Variants in FNBP1L observed in about 807,000 individuals in gnomAD.
FNBP1L encodes formin binding protein 1 like.
Under a neutral mutation model 91.2 loss-of-function variants are expected in FNBP1L, and 36 were observed. The ratio of observed to expected loss-of-function variants is 0.39; its 90% CI spans 0.30 to 0.52. The LOEUF is 0.52. Ranked by LOEUF, FNBP1L falls within the 20% of genes least tolerant of loss-of-function variation. The pLI, the probability that FNBP1L is intolerant of heterozygous loss-of-function variation, is 0.66. For synonymous variants in FNBP1L, 242 were observed against 237.0 expected (o/e 1.02, Z -0.19); for missense variants, 571 against 732.1 (o/e 0.78, Z 2.54).
Position 93,524,272 on chromosome 1 carries a change from A to G in FNBP1L, c.354A>G (p.Glu118=). Residue 118 remains glutamate, a synonymous_variant, in exon 5 of 17, where the codon GAA becomes GAG. Transcript: ENST00000271234. ...GTTATAATCTTCAGCATCTGCAAGA[A>G]GGACGAAAAGCTCAACAATATCTTG... ...LKTERKMHLQ[E]GRKAQQYLDM... 1 of 1,499,772 alleles carries G rather than the reference A, an allele frequency of 6.7e-7. No homozygotes were observed. Among genetic ancestry groups the G allele is most frequent in the Non-Finnish European group, 8.9e-7 (1 of 1,123,022 alleles). 92.9% of individuals were successfully genotyped at this position (1,499,772 alleles called of 1,614,324 possible). A position where few individuals can be genotyped will look rare whatever the true frequency, so the allele number is the denominator to read the frequency against.
chr1:93,490,302 G>A (rs930741928), intron 1 of FNBP1L, among the ~76,000 whole-genome samples: 1 of 152,156 alleles, frequency 6.6e-6, no homozygotes, highest in African/African-American at 2.4e-5. Context: ...ACTACATAAT[G>A]TGGACATTTA....
intron 2 of FNBP1L, among the ~76,000 whole-genome samples, chr1:93,520,309 CT>C (rs774642611): frequency 1.1e-4 from 16 of 152,162 alleles, no homozygotes; most frequent in Non-Finnish European, 1.5e-4. Context: ...GACAGTGATT[CT>C]TTTATAGTAT....
intron 1 of FNBP1L, among the ~76,000 whole-genome samples, chr1:93,490,218 C>A (rs1264082384): frequency 6.6e-6 from 1 of 152,044 alleles, no homozygotes; most frequent in Non-Finnish European, 1.5e-5. Flanking sequence ...AGCAAGAAGA[C>A]TGAGTAAACA....
chr1:93,449,827 G>T (rs540698685), intron 1 of FNBP1L, among the ~76,000 whole-genome samples: 1 of 152,176 alleles, frequency 6.6e-6, no homozygotes, highest in South Asian at 2.1e-4. Context: ...CTTACACTTT[G>T]TGCATTCTAT....
At chr1:93,503,677 A>G (rs1670510671) in intron 2 of FNBP1L, among the ~76,000 whole-genome samples, 1 of 152,184 alleles carries the variant, frequency 6.6e-6, no homozygotes, top group South Asian at 2.1e-4. Context: ...CAATTGAATC[A>G]TGTCCATTTT....
chr1:93,477,888 C>G (rs1669552805), intron 1 of FNBP1L, among the ~76,000 whole-genome samples: 1 of 152,146 alleles, frequency 6.6e-6, no homozygotes, highest in African/African-American at 2.4e-5. Context: ...TTAATTCTGC[C>G]TTTTCTGTTT....
At chr1:93,478,873 G>A (rs929947990) in intron 1 of FNBP1L, among the ~76,000 whole-genome samples, 8 of 152,122 alleles carry the variant, frequency 5.3e-5, no homozygotes, top group Non-Finnish European at 1.0e-4. Context: ...AGTTTAATTC[G>A]GACTCAGGTC....
chr1:93,521,526 C>T (rs1219202388), intron 2 of FNBP1L, among the ~76,000 whole-genome samples: 1 of 152,184 alleles, frequency 6.6e-6, no homozygotes, highest in Non-Finnish European at 1.5e-5. Context: ...CAAAGATGCT[C>T]TCAGTCCCTC....
chr1:93,547,650 CA>C (rs2101775036), intron 14 of FNBP1L, among the ~76,000 whole-genome samples: 1 of 152,240 alleles, frequency 6.6e-6, no homozygotes, highest in South Asian at 2.1e-4. Flanking sequence ...GTTTGTCATG[CA>C]TCCAAACACA....
At position 93,507,099 on chromosome 1, in the gene FNBP1L, A is replaced by ACT. The variant is rs1670654107; in HGVS notation, c.140+7517_140+7518insTC. Among the ~76,000 whole-genome samples, 6 of 66,428 alleles carry ACT rather than the reference A, an allele frequency of 9.0e-5. No individual in the cohort carries two copies. In the Admixed American group the frequency reaches 9.5e-4, roughly 11 times the overall value. The allele number at this position is 66,428 out of a possible 152,430, so 43.6% of individuals were successfully genotyped here. Reference sequence around the variant, plus strand: ...CACACACACACACACACACACACACACACACACACTCTCTCTCTCTCTCTC... The same window carrying ACT: ...CACACACACACACACACACACACACACTCACACACACTCTCTCTCTCTCTCTC... On this transcript the variant is annotated intron_variant, in intron 2 of 16. Coordinates refer to ENST00000271234, the MANE Select transcript of FNBP1L (RefSeq NM_001164473.3).
intron 1 of FNBP1L, among the ~76,000 whole-genome samples, chr1:93,461,422 G>A (rs1668858544): frequency 8.9e-6 from 1 of 112,394 alleles, no homozygotes; most frequent in Admixed American, 8.6e-5. Context: ...TTGGAGGTAG[G>A]CCGTCACTGG....
At chr1:93,457,866 A>T (rs1475837513) in intron 1 of FNBP1L, among the ~76,000 whole-genome samples, 2 of 151,684 alleles carry the variant, frequency 1.3e-5, no homozygotes, top group East Asian at 3.9e-4. Context: ...ATCTTGGCTC[A>T]CTGCAAGCTC....
At chr1:93,524,607 A>G (rs1026628366) in intron 5 of FNBP1L, among the ~76,000 whole-genome samples, 48 of 129,504 alleles carry the variant, frequency 3.7e-4, no homozygotes, top group Non-Finnish European at 6.3e-4. Context: ...TTTTTACTTT[A>G]AAGTAGTTAC....
chr1:93,536,727 AT>A (rs547392450), intron 10 of FNBP1L, among the ~76,000 whole-genome samples: 3 of 152,098 alleles, frequency 2.0e-5, no homozygotes, highest in South Asian at 4.2e-4. Context: ...TATTTTAGCT[AT>A]TTTTTTGTTT....
Position 93,534,811 on chromosome 1 carries a change from C to T in FNBP1L, c.893C>T (p.Thr298Ile). The T allele has an allele frequency of 1.9e-6, 3 of 1,574,830 alleles. No homozygotes were observed. In the South Asian group the frequency reaches 3.5e-5, roughly 18 times the overall value. ...ATATATAGAACCATTTCTGATGGGA[C>T]TATCAGTGCATCCAAACAGGAGAGT... ...QHIYRTISDG[T>I]ISASKQESGK... The change falls in exon 9 of 17, where the codon ACT (threonine) becomes ATT (isoleucine). Residue 298 changes from threonine to isoleucine, a missense_variant. Physicochemically the swap from Thr to Ile is moderately conservative, Grantham distance 89. Coordinates refer to ENST00000271234, the MANE Select transcript of FNBP1L (RefSeq NM_001164473.3).
At chr1:93,506,075 A>T (rs983935242) in intron 2 of FNBP1L, among the ~76,000 whole-genome samples, 1 of 152,236 alleles carries the variant, frequency 6.6e-6, no homozygotes, top group Admixed American at 6.5e-5. Context: ...AGCTTGAGCT[A>T]ATTTAAGTAT....
intron 1 of FNBP1L, 27 bp downstream of exon 1, chr1:93,448,332 A>C (rs961902187): frequency 2.0e-6 from 3 of 1,499,218 alleles, no homozygotes; most frequent in Non-Finnish European, 2.7e-6. Context: ...GGCGCCCCGC[A>C]CGGACCCCGG....
At chr1:93,513,685 T>A (rs1670952244) in intron 2 of FNBP1L, among the ~76,000 whole-genome samples, 1 of 152,154 alleles carries the variant, frequency 6.6e-6, no homozygotes. Context: ...ATTATCTCAA[T>A]AGATGCAGAA....
At chr1:93,458,597 G>T (rs1275158514) in intron 1 of FNBP1L, among the ~76,000 whole-genome samples, 1 of 152,054 alleles carries the variant, frequency 6.6e-6, no homozygotes, top group Non-Finnish European at 1.5e-5. Context: ...AAAAACACAG[G>T]CAACAAAAGC....
Sources: gnomAD v4.1 joint callset for allele counts (sites outside exome capture counted in the v4.1 genomes callset) on GRCh38, gnomAD v4.1.1 for gene constraint, MANE v1.5 for transcripts, NCBI Gene and HGNC (gene_info 2026-07-23, HGNC 2026-07-21) for gene names.